Variants in MTDH observed in about 807,000 individuals in gnomAD.
MTDH encodes metadherin.
In MTDH, 34 loss-of-function variants were observed where a neutral mutation model predicts 72.7. The observed-to-expected ratio is 0.47, with a 90% CI of 0.36 to 0.62. MTDH has a LOEUF of 0.62. Ranked by LOEUF, MTDH falls within the 20% of genes least tolerant of loss-of-function variation. MTDH has a pLI of 0.00. For missense variants in MTDH, 677 were observed against 699.4 expected, an observed-to-expected ratio of 0.97 and a Z score of 0.36; for synonymous variants, 266 against 268.9, an observed-to-expected ratio of 0.99 and a Z score of 0.10.
intron 1 of MTDH, among the ~76,000 whole-genome samples, chr8:97,655,998 C>A (rs1811954731): frequency 6.6e-6 from 1 of 152,096 alleles, no homozygotes; most frequent in African/African-American, 2.4e-5. Flanking sequence ...AAGCCTTAAT[C>A]CCAGGTTTGT....
chr8:97,719,124 A>G lies in MTDH; in HGVS notation c.1456A>G (p.Lys486Glu), dbSNP rs1245763354. The change falls in exon 10 of 12, where the codon AAA (lysine) becomes GAA (glutamate). Residue 486 changes from lysine to glutamate, a missense_variant. Transcript: ENST00000336273. ...NTSKTRPKQE[K>E]AFSLKTISTS... ...CTCTAAAACCCGTCCAAAACAGGAA[A>G]AAGCTTTTTCCTTGAAGACCATAAG... 1.2e-6 allele frequency: 2 copies of G among 1,614,054 alleles called. No homozygotes were observed. Among genetic ancestry groups the G allele is most frequent in the African/African-American group, 1.3e-5 (1 of 74,928 alleles).
chr8:97,692,589 G>A (rs1190406833), intron 6 of MTDH, among the ~76,000 whole-genome samples: 1 of 151,404 alleles, frequency 6.6e-6, no homozygotes, highest in Non-Finnish European at 1.5e-5. Context: ...TGTTGGCCAG[G>A]CTGGTTTCAA....
intron 2 of MTDH, among the ~76,000 whole-genome samples, chr8:97,668,172 A>G: frequency 6.6e-6 from 1 of 152,080 alleles, no homozygotes; most frequent in Non-Finnish European, 1.5e-5. Flanking sequence ...CTGTAATCCC[A>G]GCTACTCGGG....
At chr8:97,686,616 A>T in intron 2 of MTDH, 52 bp from the exon 3 acceptor site, 2 of 1,153,028 alleles carry the variant, frequency 1.7e-6, no homozygotes, top group South Asian at 3.3e-5. Context: ...ACTGACTCCT[A>T]CTTATTCAAA....
intron 8 of MTDH, among the ~76,000 whole-genome samples, chr8:97,709,491 A>G (rs1193177908): frequency 6.6e-6 from 1 of 152,148 alleles, no homozygotes; most frequent in Non-Finnish European, 1.5e-5. Context: ...TACCTTTTAC[A>G]TTTCTAAGCA....
intron 11 of MTDH, among the ~76,000 whole-genome samples, chr8:97,724,263 TC>T (rs1384056174): frequency 6.6e-6 from 1 of 152,200 alleles, no homozygotes; most frequent in Non-Finnish European, 1.5e-5. Flanking sequence ...ATGCTTTTTT[TC>T]CTCCTTTACT....
intron 1 of MTDH, among the ~76,000 whole-genome samples, chr8:97,654,709 G>A (rs1811899966): frequency 6.6e-6 from 1 of 151,952 alleles, no homozygotes; most frequent in East Asian, 1.9e-4. Context: ...TTGTCTTAAT[G>A]CTCTCTTGCC....
At chr8:97,723,488 A>G (rs938067303) in intron 11 of MTDH, among the ~76,000 whole-genome samples, 3 of 151,754 alleles carry the variant, frequency 2.0e-5, no homozygotes, top group African/African-American at 7.3e-5. Flanking sequence ...TCACGCCTGT[A>G]ATCCCAGCAC....
At chr8:97,651,648 GAT>G (rs1811777098) in intron 1 of MTDH, among the ~76,000 whole-genome samples, 1 of 152,250 alleles carries the variant, frequency 6.6e-6, no homozygotes, top group African/African-American at 2.4e-5. Flanking sequence ...TTAGTGAAAA[GAT>G]AAATTCACCA....
chr8:97,698,701 C>A (rs915415992), intron 6 of MTDH, among the ~76,000 whole-genome samples: 1 of 152,230 alleles, frequency 6.6e-6, no homozygotes, highest in Non-Finnish European at 1.5e-5. Context: ...AAGATGCTAG[C>A]TAACTCAGAC....
intron 6 of MTDH, 57 bp from the exon 7 acceptor site, chr8:97,699,697 T>C: frequency 8.4e-7 from 1 of 1,188,784 alleles, no homozygotes; most frequent in Non-Finnish European, 1.3e-6. Context: ...ACTATTGTTA[T>C]GAAACATCAT....
chr8:97,663,615 A>G (rs992748712), intron 2 of MTDH, among the ~76,000 whole-genome samples: 12 of 151,886 alleles, frequency 7.9e-5, no homozygotes, highest in African/African-American at 2.2e-4. Flanking sequence ...CAGGCGTGGT[A>G]GCGGGCGCCT....
chr8:97,724,389 A>G (rs1325500261), intron 11 of MTDH, among the ~76,000 whole-genome samples: 1 of 152,200 alleles, frequency 6.6e-6, no homozygotes, highest in Non-Finnish European at 1.5e-5. Context: ...CAGCAGTTCC[A>G]TATAGTTCAA....
At chr8:97,666,026 G>A (rs1356028024) in intron 2 of MTDH, among the ~76,000 whole-genome samples, 1 of 151,948 alleles carries the variant, frequency 6.6e-6, no homozygotes, top group Admixed American at 6.6e-5. Flanking sequence ...TACTCAGGAG[G>A]CTGAGGCAGG....
chr8:97,655,045 C>T (rs919699912), intron 1 of MTDH, among the ~76,000 whole-genome samples: 5 of 151,670 alleles, frequency 3.3e-5, no homozygotes, highest in African/African-American at 1.2e-4. Flanking sequence ...TGAGTCGAGC[C>T]GAGATCACAC....
intron 1 of MTDH, among the ~76,000 whole-genome samples, chr8:97,654,671 G>C (rs1228688526): frequency 1.3e-5 from 2 of 151,718 alleles, no homozygotes; most frequent in Admixed American, 6.6e-5. Flanking sequence ...CTGTCATCTA[G>C]GTTTTAAGCC....
intron 2 of MTDH, among the ~76,000 whole-genome samples, chr8:97,662,381 T>G (rs573936065): frequency 1.6e-4 from 24 of 151,026 alleles, no homozygotes; most frequent in Non-Finnish European, 2.8e-4. Context: ...GCATAGCCCC[T>G]TTTCAGGAAA....
chr8:97,678,489 A>G (rs911718146), intron 2 of MTDH, among the ~76,000 whole-genome samples: 2 of 152,120 alleles, frequency 1.3e-5, no homozygotes, highest in Non-Finnish European at 2.9e-5. Flanking sequence ...ACTCTATTAT[A>G]GCAAAATACT....
chr8:97,677,171 A>T (rs1812885615), intron 2 of MTDH, among the ~76,000 whole-genome samples: 1 of 93,952 alleles, frequency 1.1e-5, no homozygotes, highest in Non-Finnish European at 1.9e-5. Flanking sequence ...CAACAGTAAA[A>T]GCCTGTCTCA....
Sources: allele counts gnomAD v4.1 joint callset (sites outside exome capture counted in the v4.1 genomes callset), GRCh38; gene constraint gnomAD v4.1.1; transcripts MANE v1.5; gene names NCBI Gene and HGNC (gene_info 2026-07-23, HGNC 2026-07-21).